The following NALCN variants were observed in gnomAD, a reference collection of about 807,000 sequenced individuals.
The protein encoded by NALCN is sodium leak channel NALCN.
In NALCN, 111 loss-of-function variants were observed where a neutral mutation model predicts 225.3. The ratio of observed to expected loss-of-function variants is 0.49; its 90% confidence interval spans 0.42 to 0.58. The LOEUF (loss-of-function observed/expected upper bound fraction) is 0.58, where lower values mean the gene tolerates loss of function less well. Among genes scored for constraint, NALCN ranks in the 20% least tolerant of loss-of-function variants. The probability of loss-of-function intolerance (pLI) is 0.00; values close to 1 mark genes in which losing one functional copy is unlikely to be tolerated. For synonymous variants in NALCN, 764 were observed against 769.0 expected (o/e 0.99, Z 0.11); for missense variants, 1,378 against 2,202.4 (o/e 0.63, Z 7.49).
intron 7 of NALCN, among the ~76,000 whole-genome samples, chr13:101,339,656 C>T (rs2045493158): frequency 6.6e-6 from 1 of 152,054 alleles, no homozygotes; most frequent in African/African-American, 2.4e-5. Flanking sequence ...GGAAGGAGCA[C>T]CTGTTGAAAG....
At position 101,272,202 on chromosome 13, in the gene NALCN, A is replaced by T. The variant is rs532104066; in HGVS notation, c.1134+11731T>A. ...TGTACACATGCATGCTGTGTTTTTG[A>T]CTGTGTGTCTCTGCATGCATGTGTG... is the stretch of plus-strand genomic sequence containing the variant. On this transcript the variant is annotated intron_variant, in intron 10 of 43. Transcript: ENST00000251127. 2.0e-5 allele frequency among the ~76,000 whole-genome samples: 3 copies of T among 148,622 alleles called. No homozygotes were observed. In the East Asian group the frequency reaches 6.0e-4, roughly 30 times the overall value.
At chr13:101,131,731 T>G (rs1311666927) in intron 17 of NALCN, among the ~76,000 whole-genome samples, 1 of 152,180 alleles carries the variant, frequency 6.6e-6, no homozygotes, top group East Asian at 1.9e-4. Context: ...TTGTCAACAC[T>G]TGCTTTTATT....
chr13:101,327,641 T>C (rs1221851383), intron 7 of NALCN, among the ~76,000 whole-genome samples: 1 of 152,152 alleles, frequency 6.6e-6, no homozygotes, highest in Non-Finnish European at 1.5e-5. Flanking sequence ...AGGTAATCCT[T>C]CTTTTAAAAA....
chr13:101,297,653 C>T (rs1362229194), intron 7 of NALCN, among the ~76,000 whole-genome samples: 5 of 152,158 alleles, frequency 3.3e-5, no homozygotes, highest in African/African-American at 1.2e-4. Context: ...CAGAATTAGT[C>T]CTTGCACCCC....
intron 17 of NALCN, among the ~76,000 whole-genome samples, chr13:101,137,991 T>TTA (rs2036884343): frequency 6.6e-6 from 1 of 152,236 alleles, no homozygotes; most frequent in Admixed American, 6.5e-5. Context: ...CCAATTTCTC[T>TTA]CAAACATCGA....
At chr13:101,180,767 A>ATC (rs1566392554) in intron 14 of NALCN, 1 of 278,700 alleles carries the variant, frequency 3.6e-6, no homozygotes, top group East Asian at 8.3e-5. Flanking sequence ...ATGTCAAAAC[A>ATC]CACCTGTGTG....
intron 18 of NALCN, chr13:101,116,349 T>C (rs1295286368): frequency 7.8e-6 from 2 of 256,144 alleles, no homozygotes; most frequent in East Asian, 1.6e-4. Context: ...TTTATGGACG[T>C]TGGGGAAAGA....
At position 101,112,858 on chromosome 13, in the gene NALCN, A is replaced by G. The variant is rs568428459; in HGVS notation, c.2193-1632T>C. 1.3e-4 allele frequency among the ~76,000 whole-genome samples: 20 copies of G among 152,332 alleles called. 1 individual carries two copies. In the South Asian group the frequency reaches 3.9e-3, roughly 30 times the overall value. ...CTTAAAATAGCAGCTCTTATGATACATGTATAATAGAAGCATTTTTAAGTA... is the reference window on the plus strand; with the variant it reads ...CTTAAAATAGCAGCTCTTATGATACGTGTATAATAGAAGCATTTTTAAGTA... On this transcript the variant is annotated intron_variant, in intron 18 of 43. Coordinates refer to ENST00000251127, the MANE Select transcript of NALCN (RefSeq NM_052867.4).
chr13:101,357,671 T>C (rs1427934468), intron 6 of NALCN, among the ~76,000 whole-genome samples: 1 of 152,056 alleles, frequency 6.6e-6, no homozygotes, highest in Non-Finnish European at 1.5e-5. Flanking sequence ...CTTCACAGAA[T>C]TAGAAAAAAA....
intron 7 of NALCN, among the ~76,000 whole-genome samples, chr13:101,344,751 C>T (rs1286758790): frequency 6.6e-6 from 1 of 152,186 alleles, no homozygotes. Context: ...TTCTCATGCA[C>T]AAGCATTTCC....
intron 6 of NALCN, among the ~76,000 whole-genome samples, chr13:101,362,880 A>G (rs1594744067): frequency 1.3e-5 from 2 of 152,220 alleles, no homozygotes; most frequent in East Asian, 3.9e-4. Context: ...TGATAAGCAA[A>G]CTCAGTAAAT....
In NALCN at chr13:101,054,137, G is replaced by A. The variant is rs1193642999; in HGVS notation, c.*1158C>T. On this transcript the variant is annotated 3_prime_UTR_variant, in exon 44 of 44. Transcript: ENST00000251127. ...AGTCCACTTCTACTTGGCTGGCCCA[G>A]CACAAGAAATCTAACAGCACTTTGT... 6.6e-6 allele frequency: 1 copy of A among 152,156 alleles called. No individual in the cohort carries two copies. The highest frequency in any genetic ancestry group is 1.9e-4 in the East Asian group (1 of 5,188). The allele number at this position is 152,156 out of a possible 1,614,324, so 9.4% of individuals were successfully genotyped here. A position where few individuals can be genotyped will look rare whatever the true frequency, so the allele number is the denominator to read the frequency against.
intron 6 of NALCN, 87 bp from the exon 7 acceptor site, chr13:101,345,507 T>C: frequency 6.8e-7 from 1 of 1,468,300 alleles, no homozygotes; most frequent in Non-Finnish European, 9.2e-7. Context: ...TTCATTAATA[T>C]CTATGTATCT....
At chr13:101,344,823 A>G (rs2045664983) in intron 7 of NALCN, among the ~76,000 whole-genome samples, 1 of 152,168 alleles carries the variant, frequency 6.6e-6, no homozygotes, top group African/African-American at 2.4e-5. Flanking sequence ...TATTCTAATC[A>G]AGGAGCACTT....
intron 14 of NALCN, among the ~76,000 whole-genome samples, chr13:101,177,929 T>G (rs992330507): frequency 1.3e-5 from 2 of 152,210 alleles, no homozygotes; most frequent in African/African-American, 4.8e-5. Context: ...TTGGGACAAA[T>G]GCCAGCACCC....
chr13:101,348,073 G>C (rs9585676), intron 6 of NALCN, among the ~76,000 whole-genome samples: 6,208 of 152,128 alleles, frequency 0.041, 403 homozygotes, highest in African/African-American at 0.14. Flanking sequence ...GGGTCTACTA[G>C]CCCATCAAAA....
chr13:101,195,919 C>T (rs1197905436), intron 13 of NALCN, among the ~76,000 whole-genome samples: 3 of 152,098 alleles, frequency 2.0e-5, no homozygotes, highest in Non-Finnish European at 4.4e-5. Context: ...ACAATATTTA[C>T]ATTTTGTTTT....
intron 6 of NALCN, among the ~76,000 whole-genome samples, chr13:101,362,606 A>G (rs2046280262): frequency 6.6e-6 from 1 of 152,128 alleles, no homozygotes; most frequent in Non-Finnish European, 1.5e-5. Context: ...AATAAAGACC[A>G]TATTTGACAA....
chr13:101,278,722 T>A (rs2043047882), intron 10 of NALCN, among the ~76,000 whole-genome samples: 1 of 152,156 alleles, frequency 6.6e-6, no homozygotes, highest in African/African-American at 2.4e-5. Flanking sequence ...GGAGACATCC[T>A]GGCAAAACTA....
Sources: gnomAD v4.1 joint callset for allele counts (sites outside exome capture counted in the v4.1 genomes callset) on GRCh38, gnomAD v4.1.1 for gene constraint, MANE v1.5 for transcripts, NCBI Gene and HGNC (gene_info 2026-07-23, HGNC 2026-07-21) for gene names.